GRIA4: variants seen among roughly 807,000 people sequenced by gnomAD.
The protein encoded by GRIA4 is glutamate receptor 4.
A neutral mutation model predicts 104.0 loss-of-function variants in GRIA4; 34 were observed. The observed-to-expected ratio is 0.33, with a 90% confidence interval of 0.25 to 0.44. The LOEUF (loss-of-function observed/expected upper bound fraction) is 0.44, where lower values mean the gene tolerates loss of function less well. GRIA4 is among the 20% of genes least tolerant of loss of function. The probability of loss-of-function intolerance (pLI) is 1.00; values close to 1 mark genes in which losing one functional copy is unlikely to be tolerated. For synonymous variants in GRIA4, 386 were observed against 381.9 expected (o/e 1.01, Z -0.13); for missense variants, 750 against 1,096.5 (o/e 0.68, Z 4.46).
rs1436428271 is a variant in GRIA4 at position 105,682,917 on chromosome 11, C to T, written c.248-70064C>T. 2.0e-5 allele frequency among the ~76,000 whole-genome samples: 3 copies of T among 152,108 alleles called. No homozygotes were observed. The East Asian group carries it at 5.8e-4, about 29-fold the overall frequency. ...GAGCAATGACAAAACCTTCTCCCAT[C>T]GTGTAAAAATATCCCTTAAGCCATC... On this transcript the variant is annotated intron_variant, in intron 3 of 16. Coordinates refer to ENST00000282499, the MANE Select transcript of GRIA4 (RefSeq NM_000829.4).
At chr11:105,880,090 AT>A (rs1326461305) in intron 5 of GRIA4, among the ~76,000 whole-genome samples, 3 of 152,174 alleles carry the variant, frequency 2.0e-5, no homozygotes, top group African/African-American at 7.2e-5. Context: ...TTTCTTACAA[AT>A]GTCTCCTTAA....
At chr11:105,977,982 A>C (rs1489195830) in intron 16 of GRIA4, among the ~76,000 whole-genome samples, 1 of 152,110 alleles carries the variant, frequency 6.6e-6, no homozygotes, top group Admixed American at 6.5e-5. Flanking sequence ...TGGTGCAGTG[A>C]AATTCAATTC....
intron 4 of GRIA4, among the ~76,000 whole-genome samples, chr11:105,787,661 G>A (rs1047152331): frequency 2.1e-5 from 1 of 48,510 alleles, no homozygotes; most frequent in Admixed American, 2.6e-4. Flanking sequence ...TTTTTTAGTA[G>A]AAATGGTGTT....
chr11:105,810,329 CT>C (rs1420780664), intron 4 of GRIA4, among the ~76,000 whole-genome samples: 1 of 152,194 alleles, frequency 6.6e-6, no homozygotes, highest in Non-Finnish European at 1.5e-5. Context: ...TTGTTCCCCT[CT>C]TTCTTTTTTC....
At chr11:105,611,764 A>G (rs1046603852) in intron 2 of GRIA4, among the ~76,000 whole-genome samples, 1 of 152,186 alleles carries the variant, frequency 6.6e-6, no homozygotes, top group Non-Finnish European at 1.5e-5. Context: ...TCTTCCAGCT[A>G]AGCCCAGCCT....
At chr11:105,620,944 G>A (rs548640829) in intron 3 of GRIA4, among the ~76,000 whole-genome samples, 1 of 151,588 alleles carries the variant, frequency 6.6e-6, no homozygotes, top group East Asian at 1.9e-4. Flanking sequence ...AAATAAATAG[G>A]GTGATGACTG....
chr11:105,695,364 G>A (rs1953232605), intron 3 of GRIA4, among the ~76,000 whole-genome samples: 1 of 152,128 alleles, frequency 6.6e-6, no homozygotes, highest in South Asian at 2.1e-4. Context: ...CCATGGCCAG[G>A]CCCATGGCCT....
intron 7 of GRIA4, among the ~76,000 whole-genome samples, chr11:105,902,108 G>C (rs1281034407): frequency 6.6e-6 from 1 of 152,098 alleles, no homozygotes; most frequent in East Asian, 1.9e-4. Context: ...CATTTATCCA[G>C]AAGCTTGTTT....
intron 3 of GRIA4, among the ~76,000 whole-genome samples, chr11:105,664,640 C>T (rs954716537): frequency 6.6e-6 from 1 of 151,806 alleles, no homozygotes; most frequent in Non-Finnish European, 1.5e-5. Flanking sequence ...TGAAAACAAC[C>T]AATTACAAAT....
Position 105,924,768 on chromosome 11 carries a change from A to G in GRIA4, c.1846A>G (p.Arg616Gly), listed in dbSNP as rs201326526. 1 of 1,594,012 alleles carries G rather than the reference A, an allele frequency of 6.3e-7. No homozygotes were observed. ...GCAGCAAGGATGTGACATTTCACCC[A>G]GGTTAGTTTCAAATCTCTTAAGTTC... ...FMQQGCDISPRSLSGRIVGGV... is the reference protein window; with the variant it reads ...FMQQGCDISPGSLSGRIVGGV... Residue 616 changes from arginine to glycine, a missense_variant and splice_region_variant, in exon 12 of 17, where the codon AGA becomes GGA. Arg to Gly is a moderately radical substitution (Grantham distance 125, BLOSUM62 -2). Transcript: ENST00000282499.
chr11:105,749,648 G>A (rs1436936127), intron 3 of GRIA4, among the ~76,000 whole-genome samples: 3 of 151,932 alleles, frequency 2.0e-5, no homozygotes, highest in East Asian at 3.9e-4. Flanking sequence ...ACTTAGCGTG[G>A]CATCTGGAAG....
intron 4 of GRIA4, among the ~76,000 whole-genome samples, chr11:105,820,136 T>A (rs1324297126): frequency 1.3e-5 from 2 of 152,104 alleles, no homozygotes; most frequent in Non-Finnish European, 2.9e-5. Context: ...ACTTCAGACT[T>A]CTAGCCCCTA....
rs150923757 is a variant in GRIA4 at position 105,702,690 on chromosome 11, C to CTTTTTTTT, written c.248-50288_248-50287insTTTTTTTT. Among the ~76,000 whole-genome samples the CTTTTTTTT allele has an allele frequency of 1.0e-4, 10 of 96,074 alleles. 1 individual carries two copies. The highest frequency in any genetic ancestry group is 1.5e-4 in the Admixed American group (1 of 6,574). The allele number at this position is 96,074 out of a possible 152,430, so 63.0% of individuals were successfully genotyped here. The stretch of plus-strand genomic sequence containing the variant: ...TTATAAGATATGCAAAATTATTTTC[C>CTTTTTTTT]TTTCTTTTTTTTTTTTTTTTTTTTG... On this transcript the variant is annotated intron_variant, in intron 3 of 16. Transcript: ENST00000282499.
chr11:105,946,454 T>C (rs1447978687), intron 14 of GRIA4, among the ~76,000 whole-genome samples: 1 of 151,958 alleles, frequency 6.6e-6, no homozygotes. Flanking sequence ...GGCATGGTGG[T>C]GCATGTCTGT....
chr11:105,688,613 A>G (rs1952978190), intron 3 of GRIA4, among the ~76,000 whole-genome samples: 3 of 152,206 alleles, frequency 2.0e-5, no homozygotes, highest in Admixed American at 2.0e-4. Flanking sequence ...ATAGGAAATA[A>G]ATACATACTT....
chr11:105,623,624 CCTAA>C (rs1010079389), intron 3 of GRIA4, among the ~76,000 whole-genome samples: 3 of 151,948 alleles, frequency 2.0e-5, no homozygotes, highest in Non-Finnish European at 4.4e-5. Context: ...CAGTTATTTG[CCTAA>C]CTAGAGTTTT....
intron 4 of GRIA4, among the ~76,000 whole-genome samples, chr11:105,764,979 T>C (rs990602523): frequency 6.6e-6 from 1 of 152,052 alleles, no homozygotes; most frequent in Non-Finnish European, 1.5e-5. Context: ...GCACTACCCA[T>C]TGGAGCAGAT....
intron 5 of GRIA4, among the ~76,000 whole-genome samples, chr11:105,869,842 ACTAGTTCC>A (rs1239636387): frequency 2.0e-5 from 3 of 152,092 alleles, no homozygotes; most frequent in Admixed American, 6.6e-5. Flanking sequence ...CTAATTGGAC[ACTAGTTCC>A]CTGCTGATAC....
At chr11:105,661,647 T>A (rs966493629) in intron 3 of GRIA4, among the ~76,000 whole-genome samples, 3 of 150,072 alleles carry the variant, frequency 2.0e-5, no homozygotes, top group African/African-American at 7.3e-5. Flanking sequence ...ATGAAAAAAA[T>A]TACATCTCGA....
Sources: gnomAD v4.1 joint callset for allele counts (sites outside exome capture counted in the v4.1 genomes callset) on GRCh38, gnomAD v4.1.1 for gene constraint, MANE v1.5 for transcripts, NCBI Gene and HGNC (gene_info 2026-07-23, HGNC 2026-07-21) for gene names.